The following IDH3A variants were observed in gnomAD, a reference collection of about 807,000 sequenced individuals.
The protein encoded by IDH3A is isocitrate dehydrogenase (NAD(+)) 3 catalytic subunit alpha.
In IDH3A, 23 loss-of-function variants were observed where a neutral mutation model predicts 43.3. The ratio of observed to expected loss-of-function variants is 0.53; its 90% CI spans 0.38 to 0.75. The LOEUF (loss-of-function observed/expected upper bound fraction) is 0.75. IDH3A is among the 30% of genes least tolerant of loss of function. The probability of loss-of-function intolerance (pLI) is 0.00; values close to 1 mark genes in which losing one functional copy is unlikely to be tolerated. For synonymous variants in IDH3A, 154 were observed against 163.5 expected, an observed-to-expected ratio of 0.94 and a Z score of 0.44; for missense variants, 329 against 474.4, an observed-to-expected ratio of 0.69 and a Z score of 2.85.
At chr15:78,151,131 T>G (rs2074570523) in intron 1 of IDH3A, among the ~76,000 whole-genome samples, 1 of 152,234 alleles carries the variant, frequency 6.6e-6, no homozygotes, top group Non-Finnish European at 1.5e-5. Context: ...ATGCACTCCC[T>G]GTGTGACCTT....
chr15:78,165,156 T>C (rs973643911), intron 9 of IDH3A, 80 bp downstream of exon 9: 2 of 836,370 alleles, frequency 2.4e-6, no homozygotes, highest in African/African-American at 3.5e-5. Flanking sequence ...ATAAGTATGC[T>C]TTAACTCCAG....
Position 78,163,791 on chromosome 15 carries a change from C to A in IDH3A, c.779+11C>A. The A allele has an allele frequency of 6.3e-7, 1 of 1,575,092 alleles. No individual in the cohort carries two copies. The highest frequency in any genetic ancestry group is 8.7e-7 in the Non-Finnish European group (1 of 1,144,924). ...TGGAGACATCCTTAGGTGAGTCTGG[C>A]TGCAACCTATTTATTTTAGCCTATG... On this transcript the variant is annotated intron_variant, in intron 8 of 10. Transcript: ENST00000299518.
At chr15:78,149,675 G>T (rs937866728) in intron 1 of IDH3A, among the ~76,000 whole-genome samples, 3 of 152,244 alleles carry the variant, frequency 2.0e-5, no homozygotes, top group Non-Finnish European at 4.4e-5. Flanking sequence ...GGTCAAGGCG[G>T]GGGGGCGCCG....
At chr15:78,167,939 G>A (rs1297169535) in intron 10 of IDH3A, 1 of 152,164 alleles carries the variant, frequency 6.6e-6, no homozygotes. Flanking sequence ...ATTCTTTAAA[G>A]TTATATTTGG....
chr15:78,157,190 G>T, intron 2 of IDH3A: 1 of 1,114,202 alleles, frequency 9.0e-7, no homozygotes, highest in Non-Finnish European at 1.1e-6. Context: ...ATTTTTTGTT[G>T]TTGTTGTCTT....
chr15:78,158,112 AAAAAT>A (rs1173052920), intron 3 of IDH3A, among the ~76,000 whole-genome samples: 2 of 152,100 alleles, frequency 1.3e-5, no homozygotes, highest in African/African-American at 2.4e-5. Context: ...CCTTTTTGCA[AAAAAT>A]AAAATAAAAT....
rs1240016079 is a variant in IDH3A, at chr15:78,171,175, G to A, written c.*2170G>A. ...AAGGCCAAAAATTATCAGCCCTTTC[G>A]TTCTGGAAGGAGAGCTGATCTCATT... On this transcript the variant is annotated 3_prime_UTR_variant, in exon 11 of 11. Transcript: ENST00000299518. The A allele has an allele frequency of 1.7e-5, 5 of 294,068 alleles. No homozygotes were observed. The highest frequency in any genetic ancestry group is 7.2e-5 in the East Asian group (1 of 13,836). 18.2% of individuals were successfully genotyped at this position (294,068 alleles called of 1,614,324 possible).
At position 78,149,407 on chromosome 15, in the gene IDH3A, G is replaced by T; in HGVS notation, c.4G>T (p.Ala2Ser). 1 of 1,551,958 alleles carries T rather than the reference G, an allele frequency of 6.4e-7. No homozygotes were observed. Among genetic ancestry groups the T allele is most frequent in the Non-Finnish European group, 8.6e-7 (1 of 1,156,368 alleles). Residue 2 changes from alanine (A) to serine (S), a missense_variant, in exon 1 of 11, where the codon GCT (alanine) becomes TCT (serine). Physicochemically the swap from Ala to Ser is moderately conservative, Grantham distance 99. Around this residue, in one of 3 missense-constraint regions of IDH3A, gnomAD observed 26 missense variants for 17.2 expected, o/e 1.51. Transcript: ENST00000299518. ...TGCGGAGCCAGGAGGGGAAGCGATG[G>T]CTGGGCCCGCGTGGATCTCTAAGGT... MAGPAWISKVSR... is the reference protein window; with the variant it reads MSGPAWISKVSR...
At chr15:78,158,448 C>CACATATATATATAT (rs763962799) in intron 3 of IDH3A, among the ~76,000 whole-genome samples, 808 of 28,226 alleles carry the variant, frequency 0.029, 92 homozygotes, top group African/African-American at 0.12. Context: ...TACATACATA[C>CACATATATATATAT]ATATATATAT....
chr15:78,171,789 A>G lies in IDH3A; in HGVS notation c.*2784A>G. On this transcript the variant is annotated 3_prime_UTR_variant, in exon 11 of 11. Transcript: ENST00000299518. ...TATGTCACCTCTGAGAATAGGTTATAAAAGATCAGTTTCTTTTATACACAT... is the reference window on the plus strand; with the variant it reads ...TATGTCACCTCTGAGAATAGGTTATGAAAGATCAGTTTCTTTTATACACAT... The G allele has an allele frequency of 3.0e-6, 1 of 330,524 alleles. No individual in the cohort carries two copies. The highest frequency in any genetic ancestry group is 5.6e-6 in the Non-Finnish European group (1 of 178,438). The allele number at this position is 330,524 out of a possible 1,614,324, so 20.5% of individuals were successfully genotyped here. A position where few individuals can be genotyped will look rare whatever the true frequency, so the allele number is the denominator to read the frequency against.
intron 1 of IDH3A, among the ~76,000 whole-genome samples, chr15:78,152,438 G>A (rs1428608901): frequency 4.3e-5 from 6 of 138,670 alleles, no homozygotes; most frequent in African/African-American, 5.4e-5. Context: ...TTGGCTCACC[G>A]CAACCTCTGC....
chr15:78,162,751 G>A (rs761404191), intron 6 of IDH3A, among the ~76,000 whole-genome samples: 2 of 152,084 alleles, frequency 1.3e-5, no homozygotes, highest in Non-Finnish European at 2.9e-5. Context: ...TCACCATGTT[G>A]GCCAGGCTGG....
intron 1 of IDH3A, chr15:78,150,790 T>G (rs1261607122): frequency 6.6e-6 from 1 of 152,264 alleles, no homozygotes; most frequent in Non-Finnish European, 1.5e-5. Context: ...CTGGTTTTTT[T>G]GTTCAATAAC....
At chr15:78,162,527 TCTC>T (rs367847232) in intron 6 of IDH3A, among the ~76,000 whole-genome samples, 160 bp downstream of exon 6, 20 of 148,904 alleles carry the variant, frequency 1.3e-4, no homozygotes, top group African/African-American at 5.0e-4. Context: ...TCTGTCGGAG[TCTC>T]CTCTTTTCTC....
chr15:78,169,818 G>A lies in IDH3A; in HGVS notation c.*813G>A, dbSNP rs2074796954. 1 of 152,232 alleles carries A rather than the reference G, an allele frequency of 6.6e-6. No individual in the cohort carries two copies. Among genetic ancestry groups the A allele is most frequent in the African/African-American group, 2.4e-5 (1 of 41,454 alleles). 9.4% of individuals were successfully genotyped at this position (152,232 alleles called of 1,614,324 possible). On this transcript the variant is annotated 3_prime_UTR_variant, in exon 11 of 11. Transcript: ENST00000299518. The stretch of plus-strand genomic sequence containing the variant: ...GTCACAGCCTCTGAGCCCCTGATCT[G>A]AAGCCAGAAGGGCTGAGTGTATTGT...
chr15:78,165,595 TATTTTACCAAAAATTGACTGAAAAAG>T, intron 9 of IDH3A, among the ~76,000 whole-genome samples: 1 of 152,330 alleles, frequency 6.6e-6, no homozygotes, highest in East Asian at 1.9e-4. Context: ...TTCCTTAAAA[TATTTTACCAAAAATTGACTGAAAAAG>T]ATTGTTGGTC....
chr15:78,156,888 A>G (rs1308837984), intron 2 of IDH3A: 1 of 1,350,004 alleles, frequency 7.4e-7, no homozygotes, highest in Non-Finnish European at 9.8e-7. Context: ...GATGACATAT[A>G]CTATTCTTTT....
intron 3 of IDH3A, among the ~76,000 whole-genome samples, chr15:78,157,982 A>C (rs982561095): frequency 6.6e-6 from 1 of 151,986 alleles, no homozygotes; most frequent in Non-Finnish European, 1.5e-5. Context: ...TGTTGTTGAT[A>C]GTTTAAACTC....
chr15:78,153,090 G>A (rs1031203700), intron 1 of IDH3A, among the ~76,000 whole-genome samples: 7 of 151,884 alleles, frequency 4.6e-5, no homozygotes, highest in African/African-American at 1.5e-4. Context: ...TGTTTGAGTC[G>A]GGTCTTTTTC....
Sources: allele counts gnomAD v4.1 joint callset (sites outside exome capture counted in the v4.1 genomes callset), GRCh38; gene constraint gnomAD v4.1.1; regional missense constraint gnomAD v4.1.1; transcripts MANE v1.5; gene names NCBI Gene and HGNC (gene_info 2026-07-23, HGNC 2026-07-21).